HDAC8: variants seen among roughly 807,000 people sequenced by gnomAD.
The protein encoded by HDAC8 is histone deacetylase 8, also known as histone deacetylase-like 1.
Under a neutral mutation model 32.2 loss-of-function variants are expected in HDAC8, and 1 was observed. The ratio of observed to expected loss-of-function variants is 0.03; its 90% confidence interval spans 0.01 to 0.15. The LOEUF (loss-of-function observed/expected upper bound fraction) is 0.15, where lower values mean the gene tolerates loss of function less well. Among genes scored for constraint, HDAC8 ranks in the 10% least tolerant of loss-of-function variants. HDAC8 has a pLI of 1.00. For synonymous variants in HDAC8, 108 were observed against 113.9 expected (o/e 0.95, Z 0.33); for missense variants, 117 against 300.0 (o/e 0.39, Z 4.51).
chrX:72,463,150 A>T (rs2047912378), intron 8 of HDAC8, among the ~76,000 whole-genome samples: 1 of 111,537 alleles, frequency 9.0e-6, no homozygotes, highest in South Asian at 3.8e-4. Context: ...TTTCAGTTAG[A>T]TAGTACAGGT....
chrX:72,500,459 C>T (rs1167623825), intron 4 of HDAC8, among the ~76,000 whole-genome samples: 1 of 112,043 alleles, frequency 8.9e-6, no homozygotes, highest in East Asian at 2.8e-4. Context: ...CTCTACGATG[C>T]AAGGTTGGCT....
At chrX:72,361,430 C>T (rs1013719446) in intron 9 of HDAC8, among the ~76,000 whole-genome samples, 2 of 111,340 alleles carry the variant, frequency 1.8e-5, no homozygotes, top group South Asian at 3.8e-4. Flanking sequence ...CACTCTGTCA[C>T]CCAGGCTGGT....
chrX:72,450,464 GT>G (rs1175019606), intron 9 of HDAC8, among the ~76,000 whole-genome samples: 6 of 111,957 alleles, frequency 5.4e-5, no homozygotes, highest in Admixed American at 2.8e-4. Flanking sequence ...CAATTTCCTG[GT>G]TTTTTTACTG....
At chrX:72,350,137 AAGGGAGGAGGATTTTGTT>A (rs782742396) in intron 10 of HDAC8, among the ~76,000 whole-genome samples, 10 of 111,005 alleles carry the variant, frequency 9.0e-5, no homozygotes, top group African/African-American at 2.6e-4. Flanking sequence ...AAAGTTGGAT[AAGGGAGGAGGATTTTGTT>A]AGGAAGCAAG....
At chrX:72,476,220 C>T (rs782267285) in intron 7 of HDAC8, among the ~76,000 whole-genome samples, 4 of 110,028 alleles carry the variant, frequency 3.6e-5, no homozygotes, top group African/African-American at 9.9e-5. Flanking sequence ...AATTCTAATT[C>T]GAATGCAATG....
At chrX:72,419,190 T>C (rs1433273463) in intron 9 of HDAC8, among the ~76,000 whole-genome samples, 6 of 111,594 alleles carry the variant, frequency 5.4e-5, no homozygotes, top group Non-Finnish European at 7.6e-5. Context: ...GGGATTGCAT[T>C]GAATATGGAG....
chrX:72,355,011 T>G (rs1417484957), intron 9 of HDAC8, among the ~76,000 whole-genome samples: 1 of 111,941 alleles, frequency 8.9e-6, no homozygotes, highest in African/African-American at 3.2e-5. Context: ...AGGGCCGAGA[T>G]GTAGAAAGAT....
intron 9 of HDAC8, among the ~76,000 whole-genome samples, chrX:72,461,613 C>T (rs896420449): frequency 7.2e-5 from 8 of 111,098 alleles, no homozygotes; most frequent in East Asian, 2.8e-4. Context: ...ACATGTGCCA[C>T]GTACCACCTA....
intron 9 of HDAC8, among the ~76,000 whole-genome samples, chrX:72,410,323 G>T (rs2046157219): frequency 9.0e-6 from 1 of 110,987 alleles, no homozygotes; most frequent in African/African-American, 3.3e-5. Flanking sequence ...AATGAGGCCA[G>T]CCAGAGAGCA....
chrX:72,487,303 T>C (rs1377134539), intron 7 of HDAC8, among the ~76,000 whole-genome samples: 1 of 111,926 alleles, frequency 8.9e-6, no homozygotes, highest in Non-Finnish European at 1.9e-5. Context: ...TTTTTTATCA[T>C]GTAGTAGGAA....
intron 7 of HDAC8, chrX:72,480,490 GAC>G: frequency 3.2e-6 from 1 of 315,278 alleles, no homozygotes; most frequent in Non-Finnish European, 6.1e-6. Context: ...CATTGTGGAA[GAC>G]AGTGTTGCGA....
At chrX:72,337,127 C>G (rs1014385197) in intron 10 of HDAC8, among the ~76,000 whole-genome samples, 9 of 111,947 alleles carry the variant, frequency 8.0e-5, no homozygotes, top group African/African-American at 2.9e-4. Context: ...GATTGAACTC[C>G]TTTACTGGAT....
intron 4 of HDAC8, among the ~76,000 whole-genome samples, chrX:72,535,834 T>C (rs977144426): frequency 1.8e-5 from 2 of 111,731 alleles, no homozygotes; most frequent in Non-Finnish European, 3.8e-5. Context: ...ATCTATAAAT[T>C]TGGTAACGGC....
chrX:72,381,432 A>G (rs2045264315), intron 9 of HDAC8, among the ~76,000 whole-genome samples: 1 of 111,299 alleles, frequency 9.0e-6, no homozygotes, highest in South Asian at 3.9e-4. Context: ...CTGCCCAAGG[A>G]TGCCTGGAGA....
At chrX:72,502,151 A>C (rs2049239236) in intron 4 of HDAC8, among the ~76,000 whole-genome samples, 2 of 111,951 alleles carry the variant, frequency 1.8e-5, no homozygotes, top group Non-Finnish European at 3.8e-5. Context: ...AGAGAAAAGA[A>C]AACACTTATA....
chrX:72,551,078 C>A lies in HDAC8; in HGVS notation c.437+16811G>T, dbSNP rs1398383141. 2.0e-4 allele frequency among the ~76,000 whole-genome samples: 20 copies of A among 97,882 alleles called. No individual in the cohort carries two copies. In the Admixed American group the frequency reaches 2.7e-3, roughly 13 times the overall value. 85.0% of individuals were successfully genotyped at this position (97,882 alleles called of 115,157 possible). ...AAGATGCTGGAAATCTTGAAGTCAGCGCACACACACACACACACACACACA... is the reference window on the plus strand; with the variant it reads ...AAGATGCTGGAAATCTTGAAGTCAGAGCACACACACACACACACACACACA... On this transcript the variant is annotated intron_variant, in intron 4 of 10. Transcript: ENST00000373573.
chrX:72,470,062 C>T (rs1555996799), intron 7 of HDAC8, among the ~76,000 whole-genome samples: 1 of 109,621 alleles, frequency 9.1e-6, no homozygotes. Context: ...GCAGGAGAAT[C>T]GCATGAACCT....
chrX:72,360,292 T>G (rs1555952087), intron 9 of HDAC8, among the ~76,000 whole-genome samples: 1 of 109,153 alleles, frequency 9.2e-6, no homozygotes, highest in Non-Finnish European at 1.9e-5. Flanking sequence ...GAGGCGGAGG[T>G]TGCAGTGAGC....
intron 4 of HDAC8, among the ~76,000 whole-genome samples, chrX:72,520,490 T>C (rs995341014): frequency 3.6e-5 from 4 of 112,273 alleles, no homozygotes; most frequent in African/African-American, 6.5e-5. Flanking sequence ...CCAATTGTCA[T>C]AATTTTCCAC....
Sources: allele counts gnomAD v4.1 joint callset (sites outside exome capture counted in the v4.1 genomes callset), GRCh38; gene constraint gnomAD v4.1.1; transcripts MANE v1.5; gene names NCBI Gene and HGNC (gene_info 2026-07-23, HGNC 2026-07-21).